CRAMP1: variants seen among roughly 807,000 people sequenced by gnomAD.
CRAMP1 encodes the protein cramped chromatin regulator 1.
In CRAMP1, 50 loss-of-function variants were observed where a neutral mutation model predicts 115.4. The ratio of observed to expected loss-of-function variants is 0.43; its 90% confidence interval spans 0.35 to 0.55. The LOEUF is 0.55. Among genes scored for constraint, CRAMP1 ranks in the 20% least tolerant of loss-of-function variants. CRAMP1 has a pLI of 0.01. For synonymous variants in CRAMP1, 866 were observed against 745.4 expected (o/e 1.16, Z -2.64); for missense variants, 1,679 against 1,721.7 (o/e 0.98, Z 0.44).
chr16:1,616,333 G>A (rs374538927), intron 2 of CRAMP1, among the ~76,000 whole-genome samples: 4 of 152,020 alleles, frequency 2.6e-5, no homozygotes, highest in East Asian at 1.9e-4. Flanking sequence ...GCCGGCATTC[G>A]TCCCCCATGT....
intron 3 of CRAMP1, among the ~76,000 whole-genome samples, chr16:1,627,125 G>C (rs1015993488): frequency 1.3e-5 from 2 of 152,134 alleles, no homozygotes; most frequent in Non-Finnish European, 2.9e-5. Context: ...ATTAGAATTA[G>C]GTTCGTGATC....
rs1044666496 is a variant in CRAMP1, at chr16:1,666,042, G to T, written c.2753-31G>T. On this transcript the variant is annotated intron_variant, in intron 14 of 20. Coordinates refer to ENST00000397412, the MANE Select transcript of CRAMP1 (RefSeq NM_020825.4). The surrounding 1 kb of genome is among the most constrained non-coding windows in gnomAD (Gnocchi z 5.0). ...CTGTGAGGGCATGGCGGGCGGGCTC[G>T]ACATGTCTGCTTTTGCCCTCGCCCT... 1 of 1,474,244 alleles carries T rather than the reference G, an allele frequency of 6.8e-7. No homozygotes were observed. 91.3% of individuals were successfully genotyped at this position (1,474,244 alleles called of 1,614,324 possible).
chr16:1,668,973 G>C, intron 18 of CRAMP1, 28 bp from the exon 19 acceptor site: 1 of 1,611,942 alleles, frequency 6.2e-7, no homozygotes, highest in Non-Finnish European at 8.5e-7. Context: ...GCAACAAGGC[G>C]TTTCTGATCT....
chr16:1,670,460 T>C, intron 19 of CRAMP1: 1 of 581,076 alleles, frequency 1.7e-6, no homozygotes, highest in Non-Finnish European at 3.1e-6. Context: ...ACAAGGTGCA[T>C]GTCTGTATGC....
chr16:1,635,194 G>C (rs566754883), intron 4 of CRAMP1, among the ~76,000 whole-genome samples: 1 of 152,256 alleles, frequency 6.6e-6, no homozygotes, highest in Non-Finnish European at 1.5e-5. Flanking sequence ...CACCACGCCT[G>C]GCCTGTGCTT....
intron 2 of CRAMP1, among the ~76,000 whole-genome samples, chr16:1,623,329 A>G (rs2142171465): frequency 6.6e-6 from 1 of 152,168 alleles, no homozygotes; most frequent in African/African-American, 2.4e-5. Flanking sequence ...CCTTCTTTTC[A>G]CATCTCCTGT....
chr16:1,655,151 C>T (rs971401746), intron 8 of CRAMP1, 68 bp from the exon 9 acceptor site: 18 of 1,370,876 alleles, frequency 1.3e-5, no homozygotes, highest in African/African-American at 5.7e-5. Context: ...TAAGCAGCCT[C>T]GGGACTCTTC....
chr16:1,638,186 C>T (rs574677776), intron 5 of CRAMP1, among the ~76,000 whole-genome samples: 3 of 152,304 alleles, frequency 2.0e-5, no homozygotes, highest in African/African-American at 7.2e-5. Context: ...TAAGATGTCA[C>T]GCCACAGCCC....
chr16:1,670,289 A>G (rs903834276), intron 19 of CRAMP1, among the ~76,000 whole-genome samples: 1 of 150,702 alleles, frequency 6.6e-6, no homozygotes, highest in Non-Finnish European at 1.5e-5. Flanking sequence ...AAAGTTGGAA[A>G]CAACCTGCAT....
Position 1,656,526 on chromosome 16 carries a change from C to T in CRAMP1, c.1769C>T (p.Pro590Leu), listed in dbSNP as rs751435469. 7 of 1,560,860 alleles carry T rather than the reference C, an allele frequency of 4.5e-6. No individual in the cohort carries two copies. The African/African-American group carries it at 5.4e-5, about 12-fold the overall frequency. The change falls in exon 10 of 21, where the codon CCT (proline) becomes CTT (leucine). Residue 590 changes from proline to leucine, a missense_variant. This residue lies in a region of CRAMP1 where 405 missense variants were observed against 302.6 expected (regional missense o/e 1.34). Coordinates refer to ENST00000397412, the MANE Select transcript of CRAMP1 (RefSeq NM_020825.4). This position sits in a 1 kb window ranked among gnomAD's most constrained non-coding sequence, Gnocchi z 5.6. ...ACACGGCCTGGGAGCGAGCAGCCCC[C>T]TCTGGGCGGGGCGGCCTCCCCAGAG... ...ADTRPGSEQP[P>L]LGGAASPEVL...
At chr16:1,625,045 C>T (rs974178721) in intron 2 of CRAMP1, among the ~76,000 whole-genome samples, 1 of 152,082 alleles carries the variant, frequency 6.6e-6, no homozygotes, top group African/African-American at 2.4e-5. Flanking sequence ...ATTTTTAAAG[C>T]ATTTTTGTTT....
intron 6 of CRAMP1, among the ~76,000 whole-genome samples, chr16:1,643,476 G>A (rs1383502009): frequency 6.6e-6 from 1 of 152,098 alleles, no homozygotes; most frequent in Non-Finnish European, 1.5e-5. Context: ...GAGAGGCGGA[G>A]GTTGCAGTGA....
At position 1,672,924 on chromosome 16, in the gene CRAMP1, G is replaced by C. The variant is rs148382780; in HGVS notation, c.3646-957G>C. On this transcript the variant is annotated intron_variant, in intron 20 of 20. Coordinates refer to ENST00000397412, the MANE Select transcript of CRAMP1 (RefSeq NM_020825.4). This position sits in a 1 kb window ranked among gnomAD's most constrained non-coding sequence, Gnocchi z 4.9. ...TCAGTCAAAGCCTCTTCCTGTCTCA[G>C]GGAACATGCCTGTTGCTTCTTTAAA... Among the ~76,000 whole-genome samples, 446 of 152,372 alleles carry C rather than the reference G, an allele frequency of 2.9e-3. 1 individual carries two copies. Among genetic ancestry groups the C allele is most frequent in the African/African-American group, 8.9e-3 (370 of 41,596 alleles).
chr16:1,619,627 G>A (rs1034032351), intron 2 of CRAMP1, among the ~76,000 whole-genome samples: 6 of 152,166 alleles, frequency 3.9e-5, no homozygotes, highest in African/African-American at 1.4e-4. Context: ...GAGGGCATAC[G>A]CTTTTATACA....
intron 2 of CRAMP1, among the ~76,000 whole-genome samples, chr16:1,624,485 C>T (rs928750488): frequency 1.5e-4 from 23 of 151,880 alleles, no homozygotes; most frequent in Admixed American, 6.6e-5. Flanking sequence ...GCGATCTCGG[C>T]TCACTGCAAC....
intron 2 of CRAMP1, among the ~76,000 whole-genome samples, chr16:1,622,289 G>A (rs2036471516): frequency 6.6e-6 from 1 of 152,222 alleles, no homozygotes; most frequent in Non-Finnish European, 1.5e-5. Flanking sequence ...GAGGCGGGAG[G>A]ATTATCTGAG....
intron 5 of CRAMP1, 35 bp downstream of exon 5, chr16:1,637,942 C>T (rs780780035): frequency 3.5e-6 from 4 of 1,146,848 alleles, no homozygotes; most frequent in Non-Finnish European, 4.8e-6. Flanking sequence ...CCCACGGCTC[C>T]TCCTGTCCTT....
At chr16:1,655,818 C>G (rs1008117298) in intron 9 of CRAMP1, 59 bp from the exon 10 acceptor site, 2 of 1,549,950 alleles carry the variant, frequency 1.3e-6, no homozygotes, top group Non-Finnish European at 1.8e-6. Flanking sequence ...ACCCATGTGC[C>G]TGGTCAGCAT....
At chr16:1,630,641 G>T (rs551934467) in intron 3 of CRAMP1, among the ~76,000 whole-genome samples, 14 of 152,290 alleles carry the variant, frequency 9.2e-5, no homozygotes, top group Admixed American at 3.3e-4. Flanking sequence ...GGTCCATCCT[G>T]GCCAGGACGC....
Sources: allele counts gnomAD v4.1 joint callset (sites outside exome capture counted in the v4.1 genomes callset), GRCh38; gene constraint gnomAD v4.1.1; regional missense constraint gnomAD v4.1.1; non-coding constraint Gnocchi (gnomAD v3.1); transcripts MANE v1.5; gene names NCBI Gene and HGNC (gene_info 2026-07-23, HGNC 2026-07-21).